Variants in ZDHHC7 observed in about 807,000 individuals in gnomAD.
ZDHHC7 encodes the protein zDHHC palmitoyltransferase 7, also known as palmitoyltransferase ZDHHC7.
Under a neutral mutation model 34.1 loss-of-function variants are expected in ZDHHC7, and 12 were observed. The observed-to-expected ratio is 0.35, with a 90% CI of 0.23 to 0.57. ZDHHC7 has a LOEUF of 0.57. Ranked by LOEUF, ZDHHC7 falls within the 20% of genes least tolerant of loss-of-function variation. The pLI, the probability that ZDHHC7 is intolerant of heterozygous loss-of-function variation, is 0.84. For missense variants in ZDHHC7, 388 were observed against 402.7 expected (o/e 0.96, Z 0.31); for synonymous variants, 185 against 155.4 (o/e 1.19, Z -1.42).
the ZDHHC7 span, among the ~76,000 whole-genome samples, chr16:85,016,605 C>T: frequency 4.4e-4 from 67 of 151,038 alleles, 1 homozygote; most frequent in Non-Finnish European, 8.3e-4. Flanking sequence ...CAGCTGCCGG[C>T]CACCACACCT....
rs971932540 is a variant in ZDHHC7, at chr16:84,996,325, C to T, written c.-103-318G>A. On this transcript the variant is annotated intron_variant, in intron 1 of 7. Coordinates refer to ENST00000313732, the MANE Select transcript of ZDHHC7 (RefSeq NM_017740.3). ...CTAGGGCAGACCAAATCTGGGTAGC[C>T]TGCACTTCTACCGTCGATAAGCTGA... Among the ~76,000 whole-genome samples, 43 of 152,282 alleles carry T rather than the reference C, an allele frequency of 2.8e-4. No homozygotes were observed. In the Middle Eastern group the frequency reaches 0.01, roughly 36 times the overall value.
upstream of ZDHHC7, among the ~76,000 whole-genome samples, chr16:85,015,861 G>A (rs1433469897): frequency 2.0e-5 from 3 of 151,786 alleles, no homozygotes; most frequent in Non-Finnish European, 2.9e-5. Context: ...AAAAGAAAAA[G>A]AAATATACTT....
At chr16:85,011,634 C>A (rs1016696307), upstream of ZDHHC7, 2 of 152,222 alleles carry the variant, frequency 1.3e-5, no homozygotes, top group Non-Finnish European at 2.9e-5. Flanking sequence ...CCCGGAGGCT[C>A]TTACAAACTG....
the ZDHHC7 span, among the ~76,000 whole-genome samples, chr16:85,026,189 G>A: frequency 1.3e-5 from 2 of 152,136 alleles, no homozygotes; most frequent in South Asian, 2.1e-4. Context: ...GGCACAAGTC[G>A]GTGCCTTGTG....
chr16:85,022,656 G>T, the ZDHHC7 span, among the ~76,000 whole-genome samples: 1 of 152,102 alleles, frequency 6.6e-6, no homozygotes, highest in Non-Finnish European at 1.5e-5. Context: ...TAGTCTCAAA[G>T]TATCTTCCCC....
At chr16:84,981,663 C>T (rs565575713) in intron 4 of ZDHHC7, among the ~76,000 whole-genome samples, 1 of 152,320 alleles carries the variant, frequency 6.6e-6, no homozygotes, top group East Asian at 1.9e-4. Flanking sequence ...TACTGTTTCC[C>T]AGCTCCCAAA....
At chr16:85,015,508 T>C (rs1567511728), upstream of ZDHHC7, among the ~76,000 whole-genome samples, 1 of 152,154 alleles carries the variant, frequency 6.6e-6, no homozygotes, top group Non-Finnish European at 1.5e-5. Flanking sequence ...GAATGTAGAC[T>C]TTCCCCACAG....
chr16:84,986,972 T>C (rs1376239982), intron 3 of ZDHHC7, among the ~76,000 whole-genome samples: 1 of 152,090 alleles, frequency 6.6e-6, no homozygotes, highest in African/African-American at 2.4e-5. Context: ...CCATGCCCAC[T>C]CTCCCCTTCA....
intron 1 of ZDHHC7, among the ~76,000 whole-genome samples, chr16:85,009,346 GCTTT>G (rs2072758638): frequency 1.3e-5 from 2 of 152,002 alleles, no homozygotes; most frequent in African/African-American, 2.4e-5. Flanking sequence ...TCATTTCAGT[GCTTT>G]CTTTCTCACT....
At chr16:85,018,996 A>G in the ZDHHC7 span, among the ~76,000 whole-genome samples, 3 of 151,952 alleles carry the variant, frequency 2.0e-5, no homozygotes, top group Admixed American at 2.0e-4. Context: ...AGGCCACCTC[A>G]CCTCCGCTGT....
intron 3 of ZDHHC7, among the ~76,000 whole-genome samples, chr16:84,987,203 C>T (rs992339494): frequency 2.6e-5 from 4 of 152,242 alleles, no homozygotes; most frequent in African/African-American, 9.6e-5. Flanking sequence ...GTTTCATTTA[C>T]AGTGACTCCT....
intron 3 of ZDHHC7, among the ~76,000 whole-genome samples, chr16:84,984,832 C>T (rs902169566): frequency 1.3e-5 from 2 of 152,050 alleles, no homozygotes; most frequent in African/African-American, 2.4e-5. Context: ...CTGAGCCTTT[C>T]GAGATGTGGT....
At chr16:85,023,645 G>A in the ZDHHC7 span, among the ~76,000 whole-genome samples, 1 of 152,030 alleles carries the variant, frequency 6.6e-6, no homozygotes, top group Non-Finnish European at 1.5e-5. Context: ...TTGAGACAGG[G>A]TCTCCCTCTG....
At chr16:85,027,408 G>C in the ZDHHC7 span, among the ~76,000 whole-genome samples, 4 of 152,268 alleles carry the variant, frequency 2.6e-5, no homozygotes, top group East Asian at 1.9e-4. Flanking sequence ...GAAACCGAGG[G>C]CCAGGAAACA....
At chr16:85,008,389 A>G (rs1422412835) in intron 1 of ZDHHC7, among the ~76,000 whole-genome samples, 3 of 152,038 alleles carry the variant, frequency 2.0e-5, no homozygotes, top group Non-Finnish European at 4.4e-5. Context: ...ATCAATGCCA[A>G]AAAAGTAACG....
intron 1 of ZDHHC7, among the ~76,000 whole-genome samples, chr16:85,006,236 G>A (rs1168787731): frequency 6.6e-6 from 1 of 152,058 alleles, no homozygotes; most frequent in Non-Finnish European, 1.5e-5. Context: ...GTACACAGCT[G>A]TAGTCCCAGC....
intron 1 of ZDHHC7, among the ~76,000 whole-genome samples, chr16:85,002,970 C>G (rs968132063): frequency 6.6e-6 from 1 of 152,106 alleles, no homozygotes; most frequent in Admixed American, 6.5e-5. Context: ...ACAATGCTGA[C>G]ACCTTAAGTG....
At chr16:84,993,364 G>C (rs976445864) in intron 2 of ZDHHC7, among the ~76,000 whole-genome samples, 2 of 152,146 alleles carry the variant, frequency 1.3e-5, no homozygotes, top group African/African-American at 4.8e-5. Flanking sequence ...GAGTGTGGTG[G>C]CTTACACCTG....
chr16:85,025,169 T>C, the ZDHHC7 span, among the ~76,000 whole-genome samples: 1 of 151,866 alleles, frequency 6.6e-6, no homozygotes, highest in African/African-American at 2.4e-5. Context: ...TCCCAGCTAC[T>C]TGGGAGGCTA....
Sources: allele counts gnomAD v4.1 joint callset (sites outside exome capture counted in the v4.1 genomes callset), GRCh38; gene constraint gnomAD v4.1.1; transcripts MANE v1.5; gene names NCBI Gene and HGNC (gene_info 2026-07-23, HGNC 2026-07-21).